The following SASH1 variants were observed in gnomAD, a reference collection of about 807,000 sequenced individuals.
The protein encoded by SASH1 is SAM and SH3 domain-containing protein 1.
In SASH1, 44 loss-of-function variants were observed where a neutral mutation model predicts 125.2. The observed-to-expected ratio is 0.35, with a 90% CI of 0.28 to 0.45. SASH1 has a LOEUF of 0.45. SASH1 is among the 20% of genes least tolerant of loss of function. The probability of loss-of-function intolerance (pLI) is 1.00; values close to 1 mark genes in which losing one functional copy is unlikely to be tolerated. For missense variants in SASH1, 1,426 were observed against 1,614.5 expected, an observed-to-expected ratio of 0.88 and a Z score of 2.00; for synonymous variants, 639 against 649.1, an observed-to-expected ratio of 0.98 and a Z score of 0.24.
chr6:148,534,758 T>C lies in SASH1; in HGVS notation c.1952T>C (p.Met651Thr), dbSNP rs1781740076. 1 of 1,614,260 alleles carries C rather than the reference T, an allele frequency of 6.2e-7. No individual in the cohort carries two copies. The highest frequency in any genetic ancestry group is 8.5e-7 in the Non-Finnish European group (1 of 1,180,040). The change falls in exon 16 of 20, where the codon ATG becomes ACG. Residue 651 changes from methionine (M) to threonine (T), a missense_variant. Physicochemically the swap from Met to Thr is moderately conservative, Grantham distance 81 (BLOSUM62 -1). Transcript: ENST00000367467. ...LLDRINLKEH[M>T]PTFLFNGYED... ...TCCTTCTCCCTCTCACAGGAGCACA[T>C]GCCCACTTTCCTGTTCAATGGATAT...
chr6:148,263,619 G>A, the SASH1 span, among the ~76,000 whole-genome samples: 6 of 152,200 alleles, frequency 3.9e-5, no homozygotes, highest in African/African-American at 1.4e-4. Context: ...CAGCTAAGGC[G>A]AAGCGTCTGT....
At chr6:148,356,508 T>TTTTTTTTTTTG in intron 1 of SASH1, among the ~76,000 whole-genome samples, 1 of 147,890 alleles carries the variant, frequency 6.8e-6, no homozygotes, top group South Asian at 2.2e-4. Flanking sequence ...TTTTTTTTTT[T>TTTTTTTTTTTG]TTTTTTGAGA....
At position 148,343,100 on chromosome 6, in the gene SASH1, G is replaced by GGAGCCC. The variant is rs1562335860; in HGVS notation, c.38_39insCGAGCC (p.Glu22_Pro23dup). ...ACGCGGGAGCAGCTGGCCCGGGGCCGGAGCCTGAGCCCGAGCCCGAGCCGG... is the reference window on the plus strand; with the variant it reads ...ACGCGGGAGCAGCTGGCCCGGGGCCGGAGCCCGAGCCTGAGCCCGAGCCCGAGCCGG... On this transcript the variant is annotated inframe_insertion, in exon 1 of 20. Transcript: ENST00000367467. The GGAGCCC allele has an allele frequency of 5.5e-6, 8 of 1,450,024 alleles. No homozygotes were observed. The highest frequency in any genetic ancestry group is 7.5e-6 in the Non-Finnish European group (8 of 1,069,874). 89.8% of individuals were successfully genotyped at this position (1,450,024 alleles called of 1,614,324 possible). A position where few individuals can be genotyped will look rare whatever the true frequency, so the allele number is the denominator to read the frequency against.
the SASH1 span, among the ~76,000 whole-genome samples, chr6:148,224,843 T>A: frequency 6.6e-6 from 1 of 152,198 alleles, no homozygotes; most frequent in Admixed American, 6.5e-5. Context: ...CAACTTTTCC[T>A]GAAAGTAGAT....
chr6:148,391,831 A>T (rs1161298738), intron 2 of SASH1, among the ~76,000 whole-genome samples: 3 of 152,216 alleles, frequency 2.0e-5, no homozygotes, highest in Non-Finnish European at 4.4e-5. Context: ...TTGTTTCATT[A>T]TGCCAACCTC....
chr6:148,241,223 T>TTGGAAGAGG, the SASH1 span, among the ~76,000 whole-genome samples: 1 of 152,290 alleles, frequency 6.6e-6, no homozygotes, highest in South Asian at 2.1e-4. Flanking sequence ...GAAGAAATAG[T>TTGGAAGAGG]TGGAAGAGGC....
chr6:148,328,343 A>G (rs1374014162), intron 1 of SASH1, among the ~76,000 whole-genome samples: 2 of 152,222 alleles, frequency 1.3e-5, no homozygotes, highest in African/African-American at 4.8e-5. Flanking sequence ...TCACGCCTGT[A>G]ATCCCAGCAC....
intron 1 of SASH1, among the ~76,000 whole-genome samples, chr6:148,353,674 A>T (rs1781822494): frequency 6.6e-6 from 1 of 152,034 alleles, no homozygotes; most frequent in African/African-American, 2.4e-5. Context: ...ACCTCAGGTG[A>T]TCCACCTGCC....
chr6:148,221,051 T>C, the SASH1 span, among the ~76,000 whole-genome samples: 2 of 152,376 alleles, frequency 1.3e-5, no homozygotes, highest in East Asian at 3.9e-4. Flanking sequence ...AAAGCTACTT[T>C]CTGGGACTTG....
At chr6:148,252,021 A>T in the SASH1 span, among the ~76,000 whole-genome samples, 1 of 151,898 alleles carries the variant, frequency 6.6e-6, no homozygotes, top group Non-Finnish European at 1.5e-5. Context: ...ATAGAGAGAA[A>T]AGCTACACGT....
chr6:148,249,925 C>T, the SASH1 span, among the ~76,000 whole-genome samples: 2 of 152,160 alleles, frequency 1.3e-5, no homozygotes, highest in South Asian at 2.1e-4. Flanking sequence ...ATCTGATCCT[C>T]GAAGAAAACA....
intron 2 of SASH1, among the ~76,000 whole-genome samples, chr6:148,410,356 GC>G (rs1784574723): frequency 6.6e-6 from 1 of 151,924 alleles, no homozygotes; most frequent in Non-Finnish European, 1.5e-5. Flanking sequence ...TGATCTGCCT[GC>G]CTCGGCCTCC....
chr6:148,434,131 C>T (rs566974535), intron 2 of SASH1, among the ~76,000 whole-genome samples: 41 of 131,128 alleles, frequency 3.1e-4, no homozygotes, highest in African/African-American at 1.2e-3. Flanking sequence ...GGCTGGAGTG[C>T]AGTGGCGCAA....
At chr6:148,271,678 G>T (rs1368074884), upstream of SASH1, among the ~76,000 whole-genome samples, 1 of 152,140 alleles carries the variant, frequency 6.6e-6, no homozygotes, top group Non-Finnish European at 1.5e-5. Context: ...TTGAAGCCTG[G>T]CATATCAGCC....
At position 148,540,521 on chromosome 6, in the gene SASH1, CAGGATG is replaced by C; in HGVS notation, c.2175_2180del (p.Gly726_Cys727del). ...CTGAGTGGATGCTCACCCCGAGACT[CAGGATG>C]CTACGAAAGCAGTGAGAACCTGGAA... On this transcript the variant is annotated inframe_deletion, in exon 17 of 20. Transcript: ENST00000367467. 6.2e-7 allele frequency: 1 copy of C among 1,614,066 alleles called. No individual in the cohort carries two copies. Among genetic ancestry groups the C allele is most frequent in the South Asian group, 1.1e-5 (1 of 91,056 alleles).
chr6:148,207,312 T>C, the SASH1 span, among the ~76,000 whole-genome samples: 1 of 152,238 alleles, frequency 6.6e-6, no homozygotes. Context: ...CTTCCTTTTA[T>C]TTCATTTTAA....
At chr6:148,366,864 G>A (rs1375464892) in intron 1 of SASH1, among the ~76,000 whole-genome samples, 1 of 151,846 alleles carries the variant, frequency 6.6e-6, no homozygotes, top group Admixed American at 6.6e-5. Context: ...CAAAGTGCTG[G>A]GATTACAGGC....
chr6:148,477,229 T>A (rs1284037758), intron 7 of SASH1, among the ~76,000 whole-genome samples: 3 of 152,170 alleles, frequency 2.0e-5, no homozygotes, highest in African/African-American at 7.2e-5. Context: ...TACATCATGT[T>A]AAAATGCTTC....
intron 1 of SASH1, among the ~76,000 whole-genome samples, chr6:148,294,532 C>G (rs1298200226): frequency 6.6e-6 from 1 of 152,202 alleles, no homozygotes; most frequent in South Asian, 2.1e-4. Context: ...TGGTGAAACA[C>G]TTGCTTAGCA....
Sources: allele counts gnomAD v4.1 joint callset (sites outside exome capture counted in the v4.1 genomes callset), GRCh38; gene constraint gnomAD v4.1.1; transcripts MANE v1.5; gene names NCBI Gene and HGNC (gene_info 2026-07-23, HGNC 2026-07-21).